The following DNAH9 variants were observed in gnomAD, a reference collection of about 807,000 sequenced individuals.
DNAH9 encodes dynein axonemal heavy chain 9, also known as DNAH9 variant protein.
In DNAH9, 345 loss-of-function variants were observed where a neutral mutation model predicts 471.6. That is an observed-to-expected ratio of 0.73 (90% CI 0.67 to 0.80). The LOEUF (loss-of-function observed/expected upper bound fraction) is 0.80. Among genes scored for constraint, DNAH9 ranks in the 30% least tolerant of loss-of-function variants. The pLI, the probability that DNAH9 is intolerant of heterozygous loss-of-function variation, is 0.00. For synonymous variants in DNAH9, 2,093 were observed against 2,123.6 expected, an observed-to-expected ratio of 0.99 and a Z score of 0.40; for missense variants, 5,407 against 5,609.2, an observed-to-expected ratio of 0.96 and a Z score of 1.15.
rs147275174 is a variant in DNAH9, at chr17:11,902,064, G to A, written c.11407-655G>A. ...AAACAGGACTTTACAGATGGTGGAA[G>A]TAGTATGAACAAGGAAATGAGTTGG... is the stretch of plus-strand genomic sequence containing the variant. On this transcript the variant is annotated intron_variant, in intron 59 of 68. Transcript: ENST00000262442. Among the ~76,000 whole-genome samples, 320 of 152,344 alleles carry A rather than the reference G, an allele frequency of 2.1e-3. 1 individual carries two copies. The highest frequency in any genetic ancestry group is 3.1e-3 in the Admixed American group (47 of 15,304).
intron 17 of DNAH9, among the ~76,000 whole-genome samples, chr17:11,679,353 A>T (rs2074096637): frequency 6.6e-6 from 1 of 152,218 alleles, no homozygotes; most frequent in Admixed American, 6.5e-5. Context: ...GCAAGCCATA[A>T]TTCTCATGTT....
At chr17:11,602,040 T>A (rs541825869) in intron 1 of DNAH9, among the ~76,000 whole-genome samples, 1 of 152,326 alleles carries the variant, frequency 6.6e-6, no homozygotes, top group Admixed American at 6.5e-5. Flanking sequence ...GTTCTCCTAC[T>A]TCCTTACTTC....
At chr17:11,780,353 G>A (rs537104475) in intron 38 of DNAH9, among the ~76,000 whole-genome samples, 1 of 152,280 alleles carries the variant, frequency 6.6e-6, no homozygotes, top group East Asian at 1.9e-4. Context: ...TGAACTCTCT[G>A]GGAACACTGT....
In DNAH9 at chr17:11,689,661, G is replaced by C. The variant is rs777420811; in HGVS notation, c.3839G>C (p.Ser1280Thr). 1.4e-5 allele frequency: 22 copies of C among 1,614,032 alleles called. No individual in the cohort carries two copies. The South Asian group carries it at 2.3e-4, about 17-fold the overall frequency. The part of the protein sequence containing the change: ...STMASISESA[S>T]LFEVNVPDYK... ...ATGGCCTCCATTTCTGAGTCTGCCAGCTTATTTGAAGTCAATGTCCCTGAC... is the reference window on the plus strand; with the variant it reads ...ATGGCCTCCATTTCTGAGTCTGCCACCTTATTTGAAGTCAATGTCCCTGAC... Residue 1280 changes from serine (S) to threonine (T), a missense_variant, in exon 20 of 69, where the codon AGC (serine) becomes ACC (threonine). By Grantham distance (58) the Ser-to-Thr change is moderately conservative. This residue lies in a region of DNAH9 where 4,636 missense variants were observed against 4,900.3 expected (regional missense o/e 0.95). Transcript: ENST00000262442.
chr17:11,672,975 C>T (rs1046302369), intron 17 of DNAH9, among the ~76,000 whole-genome samples: 3 of 152,148 alleles, frequency 2.0e-5, no homozygotes, highest in Non-Finnish European at 2.9e-5. Flanking sequence ...AGTCTATCAT[C>T]CTTGGTCCCT....
chr17:11,717,075 G>T (rs2074977212), intron 26 of DNAH9, among the ~76,000 whole-genome samples: 2 of 152,210 alleles, frequency 1.3e-5, no homozygotes, highest in African/African-American at 4.8e-5. Context: ...GGTAACAGTG[G>T]CCAAGAAGGA....
At chr17:11,613,720 G>C (rs961816533) in intron 4 of DNAH9, among the ~76,000 whole-genome samples, 29 of 152,166 alleles carry the variant, frequency 1.9e-4, no homozygotes, top group African/African-American at 6.3e-4. Flanking sequence ...ATTTAGTTGG[G>C]TTAAATTGGG....
chr17:11,675,357 C>T (rs2074033076), intron 17 of DNAH9, among the ~76,000 whole-genome samples: 1 of 151,992 alleles, frequency 6.6e-6, no homozygotes, highest in South Asian at 2.1e-4. Context: ...GTGTTTGCAA[C>T]GTACATGGTC....
chr17:11,749,698 A>T (rs981506189), intron 32 of DNAH9, among the ~76,000 whole-genome samples: 1 of 152,064 alleles, frequency 6.6e-6, no homozygotes, highest in Non-Finnish European at 1.5e-5. Context: ...TTCTAGATGG[A>T]TAATTGATTG....
At chr17:11,924,030 TC>T in intron 62 of DNAH9, 89 bp downstream of exon 62, 1 of 1,522,258 alleles carries the variant, frequency 6.6e-7, no homozygotes. Context: ...TCTTAGCTTC[TC>T]CCCATCTGTC....
At chr17:11,699,679 A>G (rs2074556528) in intron 22 of DNAH9, 52 bp from the exon 23 acceptor site, 1 of 1,560,764 alleles carries the variant, frequency 6.4e-7, no homozygotes, top group Admixed American at 1.7e-5. Context: ...AATTCTAATA[A>G]GCAGCTTCCC....
In DNAH9 at chr17:11,617,568, C is replaced by A. The variant is rs368678135; in HGVS notation, c.1062C>A (p.Ser354=). ...LIWATCKSYR[S]PGRLTVLLQE... Reference sequence around the variant, plus strand: ...GGGCCACATGCAAGTCCTACCGCTCCCCGGGAAGGCTGACTGTGCTGCTCC... The same window carrying A: ...GGGCCACATGCAAGTCCTACCGCTCACCGGGAAGGCTGACTGTGCTGCTCC... The change falls in exon 5 of 69, where the codon TCC becomes TCA. Residue 354 remains serine, a synonymous_variant. Coordinates refer to ENST00000262442, the MANE Select transcript of DNAH9 (RefSeq NM_001372.4). The A allele has an allele frequency of 6.2e-7, 1 of 1,614,158 alleles. No homozygotes were observed.
In DNAH9 at chr17:11,747,856, A is replaced by G. The variant is rs546505649; in HGVS notation, c.6610+90A>G. On this transcript the variant is annotated intron_variant, in intron 32 of 68. Coordinates refer to ENST00000262442, the MANE Select transcript of DNAH9 (RefSeq NM_001372.4). ...ATGCAGTTGGGTGAATTGCAGAAGC[A>G]AACATTGGACTGATCTGTTTGGAAC... The G allele has an allele frequency of 4.7e-4, 561 of 1,202,946 alleles. 1 individual carries two copies. Among genetic ancestry groups the G allele is most frequent in the Admixed American group, 9.9e-4 (54 of 54,674 alleles). 74.5% of individuals were successfully genotyped at this position (1,202,946 alleles called of 1,614,324 possible).
chr17:11,720,386 T>C (rs574866085), intron 27 of DNAH9, among the ~76,000 whole-genome samples: 9 of 152,188 alleles, frequency 5.9e-5, no homozygotes, highest in African/African-American at 1.2e-4. Context: ...CTCCTAATGC[T>C]ATCCCTCCCC....
chr17:11,842,702 C>T (rs928984667), intron 49 of DNAH9, among the ~76,000 whole-genome samples: 1 of 152,164 alleles, frequency 6.6e-6, no homozygotes, highest in Non-Finnish European at 1.5e-5. Flanking sequence ...AGATAAAGGC[C>T]AGAAGACGCA....
At chr17:11,738,463 C>T (rs2150830861) in intron 28 of DNAH9, among the ~76,000 whole-genome samples, 1 of 152,306 alleles carries the variant, frequency 6.6e-6, no homozygotes, top group African/African-American at 2.4e-5. Flanking sequence ...TCACGGCAAC[C>T]TCCACCTCCC....
chr17:11,656,801 T>A (rs546592769), intron 14 of DNAH9, among the ~76,000 whole-genome samples: 1 of 152,284 alleles, frequency 6.6e-6, no homozygotes, highest in African/African-American at 2.4e-5. Context: ...TTTGTCAATA[T>A]AGAGTAGATT....
At chr17:11,655,616 TAC>T (rs10541372) in intron 14 of DNAH9, among the ~76,000 whole-genome samples, 145,848 of 148,418 alleles carry the variant, frequency 0.98, 71,687 homozygotes, top group Non-Finnish European at 1. Context: ...TATATATATA[TAC>T]ACACACACAC....
chr17:11,825,790 T>G (rs1276041355), intron 48 of DNAH9, among the ~76,000 whole-genome samples: 1 of 152,188 alleles, frequency 6.6e-6, no homozygotes, highest in Non-Finnish European at 1.5e-5. Flanking sequence ...CCACACCCAG[T>G]GTGGTCAGAG....
Sources: gnomAD v4.1 joint callset for allele counts (sites outside exome capture counted in the v4.1 genomes callset) on GRCh38, gnomAD v4.1.1 for gene constraint, gnomAD v4.1.1 regional missense constraint, MANE v1.5 for transcripts, NCBI Gene and HGNC (gene_info 2026-07-23, HGNC 2026-07-21) for gene names.